The following NAV1 variants were observed in gnomAD, a reference collection of about 807,000 sequenced individuals.
NAV1 encodes the protein neuron navigator 1, also known as pore membrane and/or filament interacting like protein 3.
A neutral mutation model predicts 175.2 loss-of-function variants in NAV1; 18 were observed. The ratio of observed to expected loss-of-function variants is 0.10; its 90% CI spans 0.07 to 0.15. NAV1 has a LOEUF of 0.15. Ranked by LOEUF, NAV1 falls within the 10% of genes least tolerant of loss-of-function variation. NAV1 has a pLI of 1.00. For missense variants in NAV1, 1,731 were observed against 2,436.6 expected (o/e 0.71, Z 6.10); for synonymous variants, 897 against 978.7 (o/e 0.92, Z 1.56).
chr1:201,823,474 A>G (rs1207810483), exon 30 of NAV1: 3 of 152,396 alleles, frequency 2.0e-5, no homozygotes, highest in East Asian at 1.9e-4. Context: ...TTTAAAATCT[A>G]TGCTTTGTGG....
At position 201,637,186 on chromosome 1, in the gene NAV1, A is replaced by G. The variant is rs986075473; in HGVS notation, c.4+7679A>G. On this transcript the variant is annotated intron_variant, in intron 2 of 29. Coordinates refer to the NAV1 transcript ENST00000367302. ...AAATGAGTGCAGCCACAAAATGGGA[A>G]TATCTTTCTCTCTAGGGTAGTAAGA... Among the ~76,000 whole-genome samples, 24 of 152,218 alleles carry G rather than the reference A, an allele frequency of 1.6e-4. 2 individuals are homozygous for G.
intron 1 of NAV1, among the ~76,000 whole-genome samples, chr1:201,547,278 C>T (rs1043447788): frequency 9.9e-5 from 15 of 152,120 alleles, no homozygotes; most frequent in African/African-American, 3.4e-4. Context: ...TGTGAGCCAC[C>T]GCACCCGGCC....
Position 201,804,511 on chromosome 1 carries a change from T to G in NAV1, c.3648+14T>G. 1 of 1,543,742 alleles carries G rather than the reference T, an allele frequency of 6.5e-7. No homozygotes were observed. Among genetic ancestry groups the G allele is most frequent in the Non-Finnish European group, 8.7e-7 (1 of 1,144,450 alleles). On this transcript the variant is annotated intron_variant, in intron 17 of 29. Coordinates refer to ENST00000367296, the Ensembl canonical transcript of NAV1. Reference sequence around the variant, plus strand: ...CAGGTCTATGAGGTAAGAGACCCAGTTCCTATCCCCTTATTTTCTCTTTCC... The same window carrying G: ...CAGGTCTATGAGGTAAGAGACCCAGGTCCTATCCCCTTATTTTCTCTTTCC...
intron 3 of NAV1, chr1:201,739,858 C>T: frequency 7.0e-6 from 9 of 1,279,034 alleles, no homozygotes; most frequent in Non-Finnish European, 8.9e-6. Context: ...AGTACAAGCC[C>T]TGGTGGTGGG....
In NAV1 at chr1:201,787,253, T is replaced by G. The variant is rs991439406; in HGVS notation, c.2995+676T>G. Reference sequence around the variant, plus strand: ...GTTCTGTGAAGCAGTACGCCATGATTGGCCTACTAGGAATCCATTCAGGAA... The same window carrying G: ...GTTCTGTGAAGCAGTACGCCATGATGGGCCTACTAGGAATCCATTCAGGAA... On this transcript the variant is annotated intron_variant, in intron 9 of 29. Transcript: ENST00000367296. This position sits in a 1 kb window ranked among gnomAD's most constrained non-coding sequence, Gnocchi z 4.3. Among the ~76,000 whole-genome samples the G allele has an allele frequency of 6.6e-6, 1 of 152,244 alleles. No homozygotes were observed. Among genetic ancestry groups the G allele is most frequent in the African/African-American group, 2.4e-5 (1 of 41,460 alleles).
At position 201,613,282 on chromosome 1, in the gene NAV1, G is replaced by A. The variant is rs139362842; in HGVS notation, c.-32-9571G>A. ...GGAAACTTGGCCTGCTGTGTAATTT[G>A]GTTACCCTCTCCCCGCCTCCCCCCC... On this transcript the variant is annotated intron_variant, in intron 2 of 33. Transcript: ENST00000685211. 3.6e-3 allele frequency among the ~76,000 whole-genome samples: 553 copies of A among 152,128 alleles called. 2 individuals carry two copies. Among genetic ancestry groups the A allele is most frequent in the African/African-American group, 0.013 (531 of 41,498 alleles).
chr1:201,799,465 A>G (rs1054684059), intron 15 of NAV1, among the ~76,000 whole-genome samples: 2 of 152,228 alleles, frequency 1.3e-5, no homozygotes, highest in Non-Finnish European at 2.9e-5. Flanking sequence ...TTTATTTATA[A>G]ATAGATAATA....
At chr1:201,783,425 G>A (rs757592544) in exon 7 of NAV1, 1 of 1,613,950 alleles carries the variant, frequency 6.2e-7, no homozygotes, top group Non-Finnish European at 8.5e-7. Context: ...GAAGAGCTTT[G>A]TCAAACCACC....
At chr1:201,614,459 G>A (rs1296475914) in intron 2 of NAV1, among the ~76,000 whole-genome samples, 1 of 152,226 alleles carries the variant, frequency 6.6e-6, no homozygotes, top group Non-Finnish European at 1.5e-5. Flanking sequence ...CTCCAGACCG[G>A]GGAGAGAGGG....
chr1:201,671,934 A>G (rs1571875780), intron 1 of NAV1, among the ~76,000 whole-genome samples: 2 of 152,202 alleles, frequency 1.3e-5, no homozygotes, highest in African/African-American at 2.4e-5. Context: ...TGTCAGAGAT[A>G]TAAGACTCTC....
intron 3 of NAV1, among the ~76,000 whole-genome samples, chr1:201,775,536 A>C (rs1675881702): frequency 6.6e-6 from 1 of 152,210 alleles, no homozygotes; most frequent in Non-Finnish European, 1.5e-5. Context: ...CCATATAAGC[A>C]AACAGCCAAG....
Position 201,813,824 on chromosome 1 carries a change from G to A in NAV1, c.5340+566G>A, listed in dbSNP as rs955992374. Reference sequence around the variant, plus strand: ...TGTAATCCCAGCACTGTGGGAGGCCGAGGCGGGCAGATCACCAGGTCAGGA... The same window carrying A: ...TGTAATCCCAGCACTGTGGGAGGCCAAGGCGGGCAGATCACCAGGTCAGGA... On this transcript the variant is annotated intron_variant, in intron 28 of 29. Coordinates refer to ENST00000367296, the Ensembl canonical transcript of NAV1. This position sits in a 1 kb window ranked among gnomAD's most constrained non-coding sequence, Gnocchi z 4.2. Among the ~76,000 whole-genome samples, 1 of 152,204 alleles carries A rather than the reference G, an allele frequency of 6.6e-6. No homozygotes were observed. The highest frequency in any genetic ancestry group is 1.5e-5 in the Non-Finnish European group (1 of 68,040).
At chr1:201,555,182 A>T (rs2102457410) in intron 1 of NAV1, among the ~76,000 whole-genome samples, 1 of 152,272 alleles carries the variant, frequency 6.6e-6, no homozygotes, top group Non-Finnish European at 1.5e-5. Context: ...ACATTCGGAG[A>T]CACTGGGAAT....
At chr1:201,751,922 CT>C (rs1351016699) in intron 3 of NAV1, among the ~76,000 whole-genome samples, 1 of 152,080 alleles carries the variant, frequency 6.6e-6, no homozygotes, top group Non-Finnish European at 1.5e-5. Context: ...TCTTTTCGTT[CT>C]TTTTTTGTTC....
At chr1:201,709,986 T>G (rs1436029775) in intron 1 of NAV1, among the ~76,000 whole-genome samples, 1 of 152,042 alleles carries the variant, frequency 6.6e-6, no homozygotes, top group Non-Finnish European at 1.5e-5. Flanking sequence ...CACCACACTC[T>G]GCTGATGTGG....
At chr1:201,553,572 G>T (rs1026449425) in intron 1 of NAV1, among the ~76,000 whole-genome samples, 2 of 152,210 alleles carry the variant, frequency 1.3e-5, no homozygotes, top group African/African-American at 4.8e-5. Flanking sequence ...ACAGATCGAT[G>T]TGTTTTTGAC....
intron 1 of NAV1, among the ~76,000 whole-genome samples, chr1:201,663,437 C>T (rs532614381): frequency 6.6e-6 from 1 of 152,240 alleles, no homozygotes; most frequent in South Asian, 2.1e-4. Flanking sequence ...CATTTCTGGG[C>T]AGGGATGAAG....
rs114292338 is a variant in NAV1, at chr1:201,549,447, G to A, written c.-144+10105G>A. 7.6e-3 allele frequency among the ~76,000 whole-genome samples: 1,154 copies of A among 152,188 alleles called. 7 individuals carry two copies. Among genetic ancestry groups the A allele is most frequent in the South Asian group, 0.013 (63 of 4,814 alleles). On this transcript the variant is annotated intron_variant, in intron 1 of 33. Coordinates refer to the NAV1 transcript ENST00000685211. ...TGGTCTCAAACTCTTAGGTTCAAGC[G>A]ATCCACCTGCTTCAAACTCCCAAAG...
chr1:201,552,141 G>C lies in NAV1; in HGVS notation c.-144+12799G>C, dbSNP rs115420414. ...CACAGAGACTGTGACAAAGACAAAGGCCTCTGTGTTTGGGATGGCAGGGAG... is the reference window on the plus strand; with the variant it reads ...CACAGAGACTGTGACAAAGACAAAGCCCTCTGTGTTTGGGATGGCAGGGAG... On this transcript the variant is annotated intron_variant, in intron 1 of 33. Coordinates refer to the NAV1 transcript ENST00000685211. 5.0e-3 allele frequency among the ~76,000 whole-genome samples: 756 copies of C among 152,328 alleles called. 10 individuals are homozygous for C. Among genetic ancestry groups the C allele is most frequent in the African/African-American group, 0.017 (714 of 41,570 alleles).
Sources: gnomAD v4.1 joint callset for allele counts (sites outside exome capture counted in the v4.1 genomes callset) on GRCh38, gnomAD v4.1.1 for gene constraint, Gnocchi (gnomAD v3.1) non-coding constraint, MANE v1.5 for transcripts, NCBI Gene and HGNC (gene_info 2026-07-23, HGNC 2026-07-21) for gene names.